Variants in SLC25A37 observed in about 807,000 individuals in gnomAD.
SLC25A37 encodes the protein solute carrier family 25 member 37.
SLC25A37 carries 17 observed loss-of-function variants against 31.0 expected under a neutral mutation model. The observed-to-expected ratio is 0.55, with a 90% CI of 0.38 to 0.82. The LOEUF (loss-of-function observed/expected upper bound fraction) is 0.82. SLC25A37 is among the 40% of genes least tolerant of loss of function. SLC25A37 has a pLI of 0.00. For synonymous variants in SLC25A37, 222 were observed against 193.0 expected (o/e 1.15, Z -1.24); for missense variants, 404 against 465.8 (o/e 0.87, Z 1.22).
intron 1 of SLC25A37, among the ~76,000 whole-genome samples, chr8:23,531,158 G>C (rs975891118): frequency 6.6e-6 from 1 of 152,186 alleles, no homozygotes; most frequent in African/African-American, 2.4e-5. Flanking sequence ...GCCCTTCCAT[G>C]CTGAAGTGTG....
intron 1 of SLC25A37, among the ~76,000 whole-genome samples, chr8:23,557,678 A>G (rs748027030): frequency 1.1e-4 from 17 of 152,144 alleles, no homozygotes; most frequent in Non-Finnish European, 2.1e-4. Flanking sequence ...CATGGTGGAC[A>G]TGGGAGAGCT....
intron 3 of SLC25A37, 22 bp from the exon 4 acceptor site, chr8:23,571,313 T>TGCCCC (rs775398173): frequency 2.0e-6 from 3 of 1,526,276 alleles, no homozygotes; most frequent in Non-Finnish European, 1.8e-6. Context: ...CCGTCTGGCC[T>TGCCCC]GCCCCGCGGT....
Position 23,551,892 on chromosome 8 carries a change from G to T in SLC25A37, c.211-14216G>T, listed in dbSNP as rs1472150640. Among the ~76,000 whole-genome samples the T allele has an allele frequency of 4.6e-5, 7 of 152,288 alleles. No homozygotes were observed. In the East Asian group the frequency reaches 1.2e-3, roughly 25 times the overall value. On this transcript the variant is annotated intron_variant, in intron 1 of 3. Coordinates refer to ENST00000519973, the MANE Select transcript of SLC25A37 (RefSeq NM_016612.4). ...GGGGGGTACCTAGGGTCAGGATGGG[G>T]TTTTATTTCTGTCCCTTCCTTGTGA...
intron 3 of SLC25A37, chr8:23,568,651 A>T (rs1028718959): frequency 1.1e-5 from 5 of 454,570 alleles, no homozygotes; most frequent in Non-Finnish European, 1.6e-5. Context: ...TGGAAATGCT[A>T]ATTCTGAGGC....
In SLC25A37 at chr8:23,571,998, G is replaced by GGAC; in HGVS notation, c.*145_*147dup. On this transcript the variant is annotated 3_prime_UTR_variant, in exon 4 of 4. Transcript: ENST00000519973. ...TCCCCAATGCCTTAGAGAGAGGAGG[G>GGAC]GACGGCACGGCCGCTCACCGGAAGG... is the stretch of plus-strand genomic sequence containing the variant. The GGAC allele has an allele frequency of 1.1e-6, 1 of 925,436 alleles. No individual in the cohort carries two copies. The highest frequency in any genetic ancestry group is 1.6e-6 in the Non-Finnish European group (1 of 622,858). 57.3% of individuals were successfully genotyped at this position (925,436 alleles called of 1,614,324 possible).
rs1011646697 is a variant in SLC25A37 at position 23,574,188 on chromosome 8, G to A, written c.*2333G>A. The A allele has an allele frequency of 1.2e-5, 3 of 258,614 alleles. No homozygotes were observed. Among genetic ancestry groups the A allele is most frequent in the African/African-American group, 4.5e-5 (2 of 44,732 alleles). The allele number at this position is 258,614 out of a possible 1,614,324, so 16.0% of individuals were successfully genotyped here. On this transcript the variant is annotated 3_prime_UTR_variant, in exon 4 of 4. Coordinates refer to ENST00000519973, the MANE Select transcript of SLC25A37 (RefSeq NM_016612.4). ...TGCAAGAAGGAGAGGTGAAGGTGGCGTGTGGTGGCTCATGCCTGTAATCCC... is the reference window on the plus strand; with the variant it reads ...TGCAAGAAGGAGAGGTGAAGGTGGCATGTGGTGGCTCATGCCTGTAATCCC...
chr8:23,546,560 A>AGTG (rs1563256123), intron 1 of SLC25A37, among the ~76,000 whole-genome samples: 3 of 77,186 alleles, frequency 3.9e-5, no homozygotes, highest in African/African-American at 1.8e-4. Flanking sequence ...TATAGTGTAT[A>AGTG]TATATATATA....
rs1802912762 is a variant in SLC25A37 at position 23,573,417 on chromosome 8, T to C, written c.*1562T>C. On this transcript the variant is annotated 3_prime_UTR_variant, in exon 4 of 4. Transcript: ENST00000519973. ...GAGACGAGCTGCACTGTCTCTGATTTGGAGCCCTCACCGGAGCTTGTCTTT... is the reference window on the plus strand; with the variant it reads ...GAGACGAGCTGCACTGTCTCTGATTCGGAGCCCTCACCGGAGCTTGTCTTT... 5.6e-6 allele frequency: 1 copy of C among 179,296 alleles called. No homozygotes were observed. Among genetic ancestry groups the C allele is most frequent in the African/African-American group, 2.3e-5 (1 of 42,914 alleles). The allele number at this position is 179,296 out of a possible 1,614,324, so 11.1% of individuals were successfully genotyped here. A position where few individuals can be genotyped will look rare whatever the true frequency, so the allele number is the denominator to read the frequency against.
chr8:23,547,998 C>T (rs964056833), intron 1 of SLC25A37, among the ~76,000 whole-genome samples: 2 of 152,112 alleles, frequency 1.3e-5, no homozygotes, highest in Admixed American at 6.5e-5. Context: ...AAGGTCACCC[C>T]GCACTGCCAG....
At chr8:23,536,666 C>A (rs142150438) in intron 1 of SLC25A37, among the ~76,000 whole-genome samples, 1 of 152,306 alleles carries the variant, frequency 6.6e-6, no homozygotes, top group African/African-American at 2.4e-5. Flanking sequence ...CTCAGTGTGG[C>A]CAGAATGGTG....
intron 3 of SLC25A37, among the ~76,000 whole-genome samples, chr8:23,570,622 C>G (rs73557720): frequency 0.012 from 1,844 of 152,242 alleles, 44 homozygotes; most frequent in African/African-American, 0.042. Flanking sequence ...AAAAGTGAGG[C>G]TCAAACTCTC....
In SLC25A37 at chr8:23,543,074, A is replaced by AC. The variant is rs1801939985; in HGVS notation, c.210+13862_210+13863insC. On this transcript the variant is annotated intron_variant, in intron 1 of 3. Transcript: ENST00000519973. Reference sequence around the variant, plus strand: ...TAAATGTAACTAATTAATTTTATTTATTTTTTTTTTTAGAGACAGGGTCTT... The same window carrying AC: ...TAAATGTAACTAATTAATTTTATTTACTTTTTTTTTTTAGAGACAGGGTCTT... 53 of 112,734 alleles carry AC rather than the reference A, an allele frequency of 4.7e-4. No homozygotes were observed. In the Admixed American group the frequency reaches 5.0e-3, roughly 11 times the overall value. The allele number at this position is 112,734 out of a possible 1,614,324, so 7.0% of individuals were successfully genotyped here. A position where few individuals can be genotyped will look rare whatever the true frequency, so the allele number is the denominator to read the frequency against.
At chr8:23,545,858 C>T (rs1048457845) in intron 1 of SLC25A37, among the ~76,000 whole-genome samples, 5 of 152,136 alleles carry the variant, frequency 3.3e-5, no homozygotes, top group Non-Finnish European at 7.4e-5. Flanking sequence ...AAAAATAGGC[C>T]GGGCGCGGTG....
intron 1 of SLC25A37, among the ~76,000 whole-genome samples, chr8:23,556,674 CTT>C (rs1454981789): frequency 6.6e-6 from 1 of 151,570 alleles, no homozygotes. Flanking sequence ...TGTATATTCT[CTT>C]TGTGTATTTA....
chr8:23,571,667 G>A lies in SLC25A37; in HGVS notation c.829G>A (p.Gly277Ser), dbSNP rs748631726. Residue 277 changes from glycine (G) to serine (S), a missense_variant, in exon 4 of 4, where the codon GGC becomes AGC. By Grantham distance (56) the Gly-to-Ser change is moderately conservative. Around this residue, in one of 3 missense-constraint regions of SLC25A37, gnomAD observed 243 missense variants for 284.4 expected, o/e 0.85. Transcript: ENST00000519973. ...NVALSLANIS[G>S]RLSGMANAFR... ...GGCCCTCTCGCTGGCCAACATCAGC[G>A]GCCGGCTGTCGGGTATGGCCAATGC... 1.3e-5 allele frequency: 21 copies of A among 1,613,924 alleles called. No individual in the cohort carries two copies. Among genetic ancestry groups the A allele is most frequent in the Non-Finnish European group, 1.7e-5 (20 of 1,179,872 alleles).
At chr8:23,568,259 GTTCC>G in intron 2 of SLC25A37, 59 bp from the exon 3 acceptor site, 1 of 1,580,654 alleles carries the variant, frequency 6.3e-7, no homozygotes, top group South Asian at 1.1e-5. Flanking sequence ...CTGATTTTAG[GTTCC>G]AGGAACTTCC....
At chr8:23,550,838 C>G (rs1468804629) in intron 1 of SLC25A37, among the ~76,000 whole-genome samples, 1 of 152,328 alleles carries the variant, frequency 6.6e-6, no homozygotes. Context: ...AGAGCATGCC[C>G]GCACCCACGG....
intron 1 of SLC25A37, among the ~76,000 whole-genome samples, chr8:23,554,759 T>A (rs1053644195): frequency 6.6e-6 from 1 of 152,154 alleles, no homozygotes; most frequent in African/African-American, 2.4e-5. Context: ...TATGTGATGT[T>A]AGTGGTGGCC....
intron 1 of SLC25A37, among the ~76,000 whole-genome samples, chr8:23,532,749 T>C (rs1173063410): frequency 1.3e-5 from 2 of 152,210 alleles, no homozygotes; most frequent in African/African-American, 2.4e-5. Context: ...GCTGACCTTA[T>C]GGTGTGCACA....
Sources: allele counts gnomAD v4.1 joint callset (sites outside exome capture counted in the v4.1 genomes callset), GRCh38; gene constraint gnomAD v4.1.1; regional missense constraint gnomAD v4.1.1; transcripts MANE v1.5; gene names NCBI Gene and HGNC (gene_info 2026-07-23, HGNC 2026-07-21).